ATG7: variants seen among roughly 807,000 people sequenced by gnomAD.
ATG7 encodes autophagy related 7.
Under a neutral mutation model 82.4 loss-of-function variants are expected in ATG7, and 70 were observed. The ratio of observed to expected loss-of-function variants is 0.85; its 90% CI spans 0.70 to 1.04. The LOEUF (loss-of-function observed/expected upper bound fraction) is 1.04, where lower values mean the gene tolerates loss of function less well. Ranked by LOEUF, ATG7 falls within the 50% of genes least tolerant of loss-of-function variation. ATG7 has a pLI of 0.00. For missense variants in ATG7, 792 were observed against 864.3 expected, an observed-to-expected ratio of 0.92 and a Z score of 1.05; for synonymous variants, 287 against 313.0, an observed-to-expected ratio of 0.92 and a Z score of 0.88.
chr3:11,386,085 CAG>C (rs1251473109), intron 19 of ATG7, among the ~76,000 whole-genome samples: 1 of 152,176 alleles, frequency 6.6e-6, no homozygotes, highest in Non-Finnish European at 1.5e-5. Context: ...GGCAGGAAGT[CAG>C]GGGATTTCCA....
chr3:11,518,310 G>A (rs1183635838), intron 20 of ATG7, among the ~76,000 whole-genome samples: 2 of 152,218 alleles, frequency 1.3e-5, no homozygotes, highest in Admixed American at 1.3e-4. Context: ...ACTTTGGGAG[G>A]CCAAGGTGGG....
Position 11,360,683 on chromosome 3 carries a change from C to G in ATG7, c.1582C>G (p.Pro528Ala), listed in dbSNP as rs1025049612. 1 of 1,614,094 alleles carries G rather than the reference C, an allele frequency of 6.2e-7. No individual in the cohort carries two copies. Among genetic ancestry groups the G allele is most frequent in the East Asian group, 2.2e-5 (1 of 44,874 alleles). ...QGAGDLCPNH[P>A]VASADLLGSS... ...AGCTGGGGACTTGTGTCCAAACCACCCTGTGGCATCTGCTGACCTCCTGGG... is the reference window on the plus strand; with the variant it reads ...AGCTGGGGACTTGTGTCCAAACCACGCTGTGGCATCTGCTGACCTCCTGGG... Residue 528 changes from proline (P) to alanine (A), a missense_variant, in exon 16 of 21, where the codon CCT becomes GCT. By Grantham distance (27) the Pro-to-Ala change is conservative. Transcript: ENST00000693202.
chr3:11,540,593 A>T (rs2070731595), intron 20 of ATG7, among the ~76,000 whole-genome samples: 1 of 151,896 alleles, frequency 6.6e-6, no homozygotes. Flanking sequence ...GTGAGCAGTG[A>T]TCGCACCACT....
intron 1 of ATG7, among the ~76,000 whole-genome samples, chr3:11,279,270 G>A (rs1003140004): frequency 3.9e-5 from 6 of 152,236 alleles, no homozygotes; most frequent in African/African-American, 1.4e-4. Flanking sequence ...ATTCTGCAGT[G>A]TGCAGGGATA....
intron 3 of ATG7, among the ~76,000 whole-genome samples, chr3:11,296,567 C>T (rs565617088): frequency 6.6e-6 from 1 of 152,298 alleles, no homozygotes; most frequent in African/African-American, 2.4e-5. Context: ...TCATATTTAC[C>T]ATGCAGGACT....
At chr3:11,375,631 C>T (rs2077361827) in intron 18 of ATG7, among the ~76,000 whole-genome samples, 1 of 152,222 alleles carries the variant, frequency 6.6e-6, no homozygotes, top group Non-Finnish European at 1.5e-5. Context: ...ACGATCGCAG[C>T]TCACTGCAAC....
chr3:11,564,985 G>A, the ATG7 span: 1 of 1,526,906 alleles, frequency 6.5e-7, no homozygotes, highest in South Asian at 1.3e-5. Flanking sequence ...CGCTCCCGGG[G>A]GTCTCTGCGG....
At chr3:11,524,641 G>A (rs2092526407) in intron 20 of ATG7, among the ~76,000 whole-genome samples, 1 of 152,082 alleles carries the variant, frequency 6.6e-6, no homozygotes, top group Non-Finnish European at 1.5e-5. Flanking sequence ...TAGTGCATTA[G>A]TCGAGAATGG....
chr3:11,491,848 A>C (rs138119273), intron 20 of ATG7, among the ~76,000 whole-genome samples: 1,708 of 152,250 alleles, frequency 0.011, 31 homozygotes, highest in African/African-American at 0.039. Context: ...GTCTCAGAGG[A>C]GTACCCGGCC....
Position 11,367,197 on chromosome 3 carries a change from C to A in ATG7, c.1875+2463C>A, listed in dbSNP as rs530721422. Among the ~76,000 whole-genome samples, 19 of 152,176 alleles carry A rather than the reference C, an allele frequency of 1.2e-4. No individual in the cohort carries two copies. In the South Asian group the frequency reaches 3.5e-3, roughly 28 times the overall value. ...ATGCAACCATGTTTTGATTAGGGGA[C>A]CATCGTTTCCACGTTTCCACAAAAA... On this transcript the variant is annotated intron_variant, in intron 18 of 20. Transcript: ENST00000693202.
chr3:11,552,737 TCAGGCACTGCCAGCAGCCG>T (rs1459101173), intron 20 of ATG7, among the ~76,000 whole-genome samples: 6 of 152,290 alleles, frequency 3.9e-5, no homozygotes, highest in African/African-American at 1.4e-4. Context: ...CCTGCACAGC[TCAGGCACTGCCAGCAGCCG>T]CATCCCCTCG....
intron 20 of ATG7, among the ~76,000 whole-genome samples, chr3:11,519,041 A>G (rs1180772365): frequency 6.6e-6 from 1 of 152,154 alleles, no homozygotes; most frequent in African/African-American, 2.4e-5. Context: ...ATTGATCTTC[A>G]AACATTTTTT....
chr3:11,390,531 G>A (rs888946649), intron 19 of ATG7, among the ~76,000 whole-genome samples: 2 of 152,206 alleles, frequency 1.3e-5, no homozygotes, highest in Admixed American at 6.5e-5. Context: ...CTTTCACAGT[G>A]CTCCCTGGAG....
intron 20 of ATG7, among the ~76,000 whole-genome samples, chr3:11,432,210 A>T (rs1008279914): frequency 5.9e-5 from 9 of 152,214 alleles, no homozygotes; most frequent in African/African-American, 1.9e-4. Flanking sequence ...TGGAGATGGG[A>T]TGGAGATGGA....
chr3:11,571,894 C>A, the ATG7 span, among the ~76,000 whole-genome samples: 3 of 152,126 alleles, frequency 2.0e-5, no homozygotes, highest in Admixed American at 2.0e-4. Context: ...ATGGCTTTAG[C>A]CTAGGAATTC....
At chr3:11,346,165 T>G (rs1236211770) in intron 13 of ATG7, among the ~76,000 whole-genome samples, 1 of 152,214 alleles carries the variant, frequency 6.6e-6, no homozygotes, top group Non-Finnish European at 1.5e-5. Context: ...ATGAGTTCAC[T>G]GCAATGTCTG....
intron 3 of ATG7, among the ~76,000 whole-genome samples, chr3:11,291,525 C>T (rs1944980834): frequency 1.3e-5 from 2 of 152,138 alleles, no homozygotes; most frequent in Admixed American, 6.6e-5. Flanking sequence ...CCCAGTGTCT[C>T]AGTTTTCTCT....
chr3:11,341,900 T>C (rs373717660), intron 12 of ATG7, among the ~76,000 whole-genome samples: 1 of 152,184 alleles, frequency 6.6e-6, no homozygotes, highest in Non-Finnish European at 1.5e-5. Flanking sequence ...CCTTTTCACC[T>C]TGGCTGCTGG....
chr3:11,565,121 T>C, the ATG7 span: 2 of 1,168,012 alleles, frequency 1.7e-6, no homozygotes, highest in African/African-American at 1.6e-5. The surrounding 1 kb of genome is among the most constrained non-coding windows in gnomAD (Gnocchi z 4.1). Flanking sequence ...TTTTTTACCC[T>C]GAAGCTCAGG....
Sources: gnomAD v4.1 joint callset for allele counts (sites outside exome capture counted in the v4.1 genomes callset) on GRCh38, gnomAD v4.1.1 for gene constraint, Gnocchi (gnomAD v3.1) non-coding constraint, MANE v1.5 for transcripts, NCBI Gene and HGNC (gene_info 2026-07-23, HGNC 2026-07-21) for gene names.